PCNX2: variants seen among roughly 807,000 people sequenced by gnomAD.
PCNX2 encodes pecanex 2.
PCNX2 carries 168 observed loss-of-function variants against 223.8 expected under a neutral mutation model. The ratio of observed to expected loss-of-function variants is 0.75; its 90% confidence interval spans 0.66 to 0.85. The LOEUF is 0.85. Among genes scored for constraint, PCNX2 ranks in the 40% least tolerant of loss-of-function variants. PCNX2 has a pLI of 0.00. For missense variants in PCNX2, 2,507 were observed against 2,675.5 expected (o/e 0.94, Z 1.39); for synonymous variants, 1,006 against 1,052.6 (o/e 0.96, Z 0.86).
At chr1:233,182,043 G>GT (rs1679832430) in intron 15 of PCNX2, among the ~76,000 whole-genome samples, 1 of 152,184 alleles carries the variant, frequency 6.6e-6, no homozygotes, top group Non-Finnish European at 1.5e-5. Context: ...GTCAAGCCGG[G>GT]TAACTCCCAT....
chr1:233,162,198 C>T (rs1340183424), intron 17 of PCNX2, among the ~76,000 whole-genome samples: 2 of 151,866 alleles, frequency 1.3e-5, no homozygotes. Flanking sequence ...CCTGTTAGCT[C>T]CAATGGAGCA....
chr1:233,015,230 T>C (rs1006064677), intron 27 of PCNX2, among the ~76,000 whole-genome samples: 3 of 152,196 alleles, frequency 2.0e-5, no homozygotes, highest in African/African-American at 7.2e-5. Context: ...ACTGCTAGAC[T>C]GTAAGTCCAC....
At chr1:233,315,121 G>T in the PCNX2 span, among the ~76,000 whole-genome samples, 1 of 152,168 alleles carries the variant, frequency 6.6e-6, no homozygotes, top group African/African-American at 2.4e-5. Context: ...TGATAACCAT[G>T]AGGTTAGATA....
At position 232,986,186 on chromosome 1, in the gene PCNX2, G is replaced by C. The variant is rs976560263; in HGVS notation, c.6146C>G (p.Ala2049Gly). The change falls in exon 33 of 34, where the codon GCT (alanine) becomes GGT (glycine). Residue 2049 changes from alanine to glycine, a missense_variant. By Grantham distance (60) the Ala-to-Gly change is moderately conservative (BLOSUM62 0). This residue lies in a region of PCNX2 where 1,372 missense variants were observed against 1,509.4 expected (regional missense o/e 0.91). Transcript: ENST00000258229. ...SSALVISGLS[A>G]AEGGNTSDTQ... is the part of the protein sequence containing the mutation. ...GTCACTGGTATTGCCCCCCTCCGCA[G>C]CAGAGAGTCCGGAAATGACGAGCGC... The C allele has an allele frequency of 3.8e-6, 6 of 1,561,658 alleles. No individual in the cohort carries two copies. Among genetic ancestry groups the C allele is most frequent in the East Asian group, 2.4e-5 (1 of 41,896 alleles).
chr1:233,256,809 T>G (rs1353209490), intron 5 of PCNX2, among the ~76,000 whole-genome samples: 1 of 152,202 alleles, frequency 6.6e-6, no homozygotes. Flanking sequence ...TACCGCCCTG[T>G]CTGTTAAAAA....
intron 17 of PCNX2, among the ~76,000 whole-genome samples, chr1:233,163,915 C>G (rs980315276): frequency 6.6e-6 from 1 of 152,114 alleles, no homozygotes; most frequent in Admixed American, 6.5e-5. Context: ...TATGGATATA[C>G]CACAATGTGT....
intron 25 of PCNX2, among the ~76,000 whole-genome samples, chr1:233,053,725 T>C (rs1215049461): frequency 2.0e-5 from 3 of 152,230 alleles, no homozygotes; most frequent in African/African-American, 7.2e-5. Context: ...ACTGGAGTTA[T>C]ACTTTCAAGA....
chr1:233,214,177 AT>A (rs1429854041), intron 12 of PCNX2, among the ~76,000 whole-genome samples: 1 of 152,040 alleles, frequency 6.6e-6, no homozygotes, highest in Non-Finnish European at 1.5e-5. Flanking sequence ...GATTATCCGT[AT>A]TTTGCACAAA....
At chr1:233,267,058 C>T (rs1050922448) in intron 1 of PCNX2, among the ~76,000 whole-genome samples, 1 of 152,098 alleles carries the variant, frequency 6.6e-6, no homozygotes, top group African/African-American at 2.4e-5. Flanking sequence ...GTGGCTCACA[C>T]CTGTAATCCC....
chr1:233,195,995 G>C (rs1230204670), intron 15 of PCNX2, among the ~76,000 whole-genome samples: 1 of 151,950 alleles, frequency 6.6e-6, no homozygotes. Context: ...AATAAAATTG[G>C]GAGACACACT....
chr1:233,140,614 G>A (rs936566502), intron 19 of PCNX2, among the ~76,000 whole-genome samples: 6 of 152,222 alleles, frequency 3.9e-5, no homozygotes, highest in African/African-American at 1.4e-4. Context: ...CATGGCAGGA[G>A]ATGGGGTAAT....
intron 21 of PCNX2, among the ~76,000 whole-genome samples, chr1:233,120,989 G>A (rs890172324): frequency 1.3e-5 from 2 of 151,706 alleles, no homozygotes; most frequent in African/African-American, 4.8e-5. Context: ...TGCCCTATAT[G>A]AAGTCAATAA....
At chr1:233,220,995 C>T (rs576498899) in intron 10 of PCNX2, among the ~76,000 whole-genome samples, 243 of 152,194 alleles carry the variant, frequency 1.6e-3, no homozygotes, top group Non-Finnish European at 2.6e-3. Flanking sequence ...CTGGGGCTGC[C>T]GAGAGGCATA....
intron 17 of PCNX2, among the ~76,000 whole-genome samples, chr1:233,166,221 A>T (rs967872815): frequency 6.6e-6 from 1 of 152,050 alleles, no homozygotes; most frequent in Non-Finnish European, 1.5e-5. Context: ...AAACAATAAC[A>T]AAAACATCTT....
intron 21 of PCNX2, chr1:233,112,788 T>A: frequency 8.4e-7 from 1 of 1,195,134 alleles, no homozygotes; most frequent in Non-Finnish European, 1.1e-6. Context: ...GAAAAAAATT[T>A]TAAGTCTTAC....
chr1:233,289,363 C>G (rs760677681), intron 1 of PCNX2: 51 of 1,199,344 alleles, frequency 4.3e-5, no homozygotes, highest in Non-Finnish European at 5.7e-5. Context: ...ATCTCCAGCT[C>G]CAGAAGAGCC....
chr1:232,988,837 G>A (rs557429312), intron 32 of PCNX2, among the ~76,000 whole-genome samples: 2 of 152,220 alleles, frequency 1.3e-5, no homozygotes, highest in Admixed American at 6.5e-5. Context: ...CCAGCAAGAC[G>A]TTTGCAGGTT....
chr1:233,327,318 T>C, the PCNX2 span, among the ~76,000 whole-genome samples: 2 of 142,896 alleles, frequency 1.4e-5, no homozygotes, highest in South Asian at 2.5e-4. Context: ...TCACCATTGC[T>C]CCGGAGCACC....
At chr1:233,186,638 C>T (rs780619253) in intron 15 of PCNX2, among the ~76,000 whole-genome samples, 1 of 152,096 alleles carries the variant, frequency 6.6e-6, no homozygotes, top group Non-Finnish European at 1.5e-5. Context: ...ATATGTGTCC[C>T]GCAAATAAAT....
Sources: allele counts gnomAD v4.1 joint callset (sites outside exome capture counted in the v4.1 genomes callset), GRCh38; gene constraint gnomAD v4.1.1; regional missense constraint gnomAD v4.1.1; transcripts MANE v1.5; gene names NCBI Gene and HGNC (gene_info 2026-07-23, HGNC 2026-07-21).